The following GPC5 variants were observed in gnomAD, a reference collection of about 807,000 sequenced individuals.
GPC5 encodes glypican-5.
GPC5 carries 47 observed loss-of-function variants against 53.9 expected under a neutral mutation model. The observed-to-expected ratio is 0.87, with a 90% CI of 0.69 to 1.11. GPC5 has a LOEUF of 1.11. Among genes scored for constraint, GPC5 ranks in the 50% most tolerant of loss-of-function variants. GPC5 has a pLI of 0.00. For synonymous variants in GPC5, 286 were observed against 263.3 expected, an observed-to-expected ratio of 1.09 and a Z score of -0.84; for missense variants, 748 against 713.1, an observed-to-expected ratio of 1.05 and a Z score of -0.56.
intron 2 of GPC5, among the ~76,000 whole-genome samples, chr13:91,595,010 ATTTATTTATTTATTT>A (rs969654226): frequency 8.4e-6 from 1 of 118,850 alleles, no homozygotes; most frequent in Admixed American, 8.1e-5. Flanking sequence ...TTATTTATTT[ATTTATTTATTTATTT>A]ATTTATTTAT....
chr13:91,722,330 A>G (rs1262301974), intron 3 of GPC5, among the ~76,000 whole-genome samples: 8 of 152,196 alleles, frequency 5.3e-5, no homozygotes, highest in Non-Finnish European at 1.2e-4. Context: ...GTGGTTTTCC[A>G]TAAAAGACTA....
chr13:92,381,894 TATA>T (rs370165884), intron 7 of GPC5, among the ~76,000 whole-genome samples: 6 of 48,980 alleles, frequency 1.2e-4, no homozygotes, highest in East Asian at 9.3e-4. Flanking sequence ...ATATATTATA[TATA>T]ATCATATATA....
chr13:92,380,832 G>A (rs553194444), intron 7 of GPC5, among the ~76,000 whole-genome samples: 14 of 151,128 alleles, frequency 9.3e-5, no homozygotes, highest in Admixed American at 5.3e-4. Context: ...TGGGTGCAGC[G>A]CACCAGCATG....
intron 7 of GPC5, among the ~76,000 whole-genome samples, chr13:92,651,524 A>G (rs1931048): frequency 0.57 from 86,925 of 151,998 alleles, 25,632 homozygotes; most frequent in Admixed American, 0.65. Context: ...AAGATCTGCA[A>G]AAGTGTCACA....
At chr13:92,662,807 G>A (rs1886395232) in intron 7 of GPC5, among the ~76,000 whole-genome samples, 1 of 152,120 alleles carries the variant, frequency 6.6e-6, no homozygotes, top group African/African-American at 2.4e-5. Flanking sequence ...GTGGAATCAG[G>A]CTAAAGCTGT....
At chr13:92,269,328 T>C (rs1221124076) in intron 7 of GPC5, among the ~76,000 whole-genome samples, 1 of 152,218 alleles carries the variant, frequency 6.6e-6, no homozygotes, top group Non-Finnish European at 1.5e-5. Context: ...TAATTTTCTA[T>C]TTGTCGATTA....
At chr13:92,735,309 C>A (rs1480428071) in intron 7 of GPC5, among the ~76,000 whole-genome samples, 1 of 151,942 alleles carries the variant, frequency 6.6e-6, no homozygotes, top group African/African-American at 2.4e-5. Flanking sequence ...TAATGCATAA[C>A]TGACTATATT....
intron 2 of GPC5, among the ~76,000 whole-genome samples, chr13:91,618,295 G>C (rs1475114389): frequency 1.3e-5 from 2 of 152,108 alleles, no homozygotes; most frequent in African/African-American, 4.8e-5. Context: ...GGTCACATTA[G>C]ATTTTCTTTA....
chr13:91,881,676 G>A (rs537174497), intron 5 of GPC5, among the ~76,000 whole-genome samples: 66 of 152,132 alleles, frequency 4.3e-4, no homozygotes, highest in South Asian at 3.9e-3. Context: ...TGTTTGTCTC[G>A]TTCACTGCCA....
chr13:92,253,103 T>C (rs1470361409), intron 7 of GPC5, among the ~76,000 whole-genome samples: 12 of 152,154 alleles, frequency 7.9e-5, no homozygotes, highest in Admixed American at 7.9e-4. Context: ...GGGGAGTATT[T>C]TGCCAGTTTC....
chr13:92,860,233 G>A (rs1016009831), intron 7 of GPC5, among the ~76,000 whole-genome samples: 2 of 152,180 alleles, frequency 1.3e-5, no homozygotes, highest in East Asian at 3.9e-4. Flanking sequence ...AGATCAAAAA[G>A]AGAACTATAT....
intron 7 of GPC5, among the ~76,000 whole-genome samples, chr13:92,455,660 T>TA (rs1370290305): frequency 2.0e-5 from 3 of 152,164 alleles, no homozygotes; most frequent in Non-Finnish European, 4.4e-5. Context: ...CTGAGATTCT[T>TA]AAAAAAACTA....
intron 7 of GPC5, among the ~76,000 whole-genome samples, chr13:92,341,917 C>T (rs540379460): frequency 2.0e-4 from 31 of 151,986 alleles, no homozygotes; most frequent in Admixed American, 1.1e-3. Context: ...CATTATGAAA[C>T]GGGAAATTGG....
At chr13:91,920,669 G>T (rs1251564035) in intron 6 of GPC5, among the ~76,000 whole-genome samples, 1 of 152,050 alleles carries the variant, frequency 6.6e-6, no homozygotes, top group Non-Finnish European at 1.5e-5. Context: ...ATCTTCCAGA[G>T]AAATAAACCA....
intron 7 of GPC5, among the ~76,000 whole-genome samples, chr13:92,545,132 A>G (rs1882062239): frequency 6.6e-6 from 1 of 151,188 alleles, no homozygotes; most frequent in Non-Finnish European, 1.5e-5. Context: ...ATGTGTTCTC[A>G]TTGTTCAATT....
intron 7 of GPC5, among the ~76,000 whole-genome samples, chr13:92,553,003 A>G (rs1882369774): frequency 6.6e-6 from 1 of 151,926 alleles, no homozygotes; most frequent in South Asian, 2.1e-4. Flanking sequence ...ATTAGACCAA[A>G]TAGATACTTC....
intron 6 of GPC5, among the ~76,000 whole-genome samples, chr13:91,921,835 G>T (rs1566343578): frequency 1.3e-5 from 2 of 151,896 alleles, no homozygotes; most frequent in Non-Finnish European, 2.9e-5. Flanking sequence ...GCATGGTGAT[G>T]TGTGCCTGTA....
chr13:91,411,010 G>A (rs944325609), intron 1 of GPC5, among the ~76,000 whole-genome samples: 9 of 152,132 alleles, frequency 5.9e-5, no homozygotes, highest in Admixed American at 1.3e-4. Flanking sequence ...TCGGGAAGCC[G>A]AGGCAGGAGA....
intron 2 of GPC5, among the ~76,000 whole-genome samples, chr13:91,538,129 A>G (rs559671544): frequency 1.3e-5 from 2 of 152,366 alleles, no homozygotes; most frequent in East Asian, 3.9e-4. Flanking sequence ...GCATTTGTCC[A>G]TAGATTAGAG....
Sources: allele counts gnomAD v4.1 joint callset (sites outside exome capture counted in the v4.1 genomes callset), GRCh38; gene constraint gnomAD v4.1.1; transcripts MANE v1.5; gene names NCBI Gene and HGNC (gene_info 2026-07-23, HGNC 2026-07-21).